SMARCA2: variants seen among roughly 807,000 people sequenced by gnomAD.
The protein encoded by SMARCA2 is SWI/SNF-related matrix-associated actin-dependent regulator of chromatin subfamily A member 2.
In SMARCA2, 61 loss-of-function variants were observed where a neutral mutation model predicts 199.8. That is an observed-to-expected ratio of 0.31 (90% CI 0.25 to 0.38). The LOEUF (loss-of-function observed/expected upper bound fraction) is 0.38, where lower values mean the gene tolerates loss of function less well. Among genes scored for constraint, SMARCA2 ranks in the 10% least tolerant of loss-of-function variants. The pLI is 1.00. For synonymous variants in SMARCA2, 935 were observed against 732.0 expected, an observed-to-expected ratio of 1.28 and a Z score of -4.48; for missense variants, 1,344 against 2,012.2, an observed-to-expected ratio of 0.67 and a Z score of 6.35.
intron 4 of SMARCA2, 129 bp downstream of exon 4, chr9:2,040,029 T>C: frequency 6.7e-7 from 1 of 1,484,230 alleles, no homozygotes; most frequent in African/African-American, 1.4e-5. Context: ...ACTGGCTCTC[T>C]ATCCTTGCTC....
At chr9:2,066,786 C>T (rs1172505873) in intron 9 of SMARCA2, among the ~76,000 whole-genome samples, 3 of 152,176 alleles carry the variant, frequency 2.0e-5, no homozygotes, top group Non-Finnish European at 4.4e-5. Context: ...GAAAATTTCT[C>T]AGGTGGCAGG....
At chr9:2,070,193 C>G (rs192094322) in intron 9 of SMARCA2, among the ~76,000 whole-genome samples, 7 of 152,182 alleles carry the variant, frequency 4.6e-5, no homozygotes, top group African/African-American at 1.7e-4. Flanking sequence ...CTCTAGTGTG[C>G]TGGCCTCAGA....
At chr9:2,159,138 A>G (rs1586768964) in intron 27 of SMARCA2, among the ~76,000 whole-genome samples, 1 of 152,342 alleles carries the variant, frequency 6.6e-6, no homozygotes, top group African/African-American at 2.4e-5. Context: ...TAAAAGTCCA[A>G]ATATCACAAG....
intron 13 of SMARCA2, 132 bp downstream of exon 13, chr9:2,076,461 A>G (rs1469553494): frequency 3.2e-6 from 2 of 626,924 alleles, no homozygotes; most frequent in Non-Finnish European, 5.7e-6. Flanking sequence ...GTGCTCCTAG[A>G]GGTCACCACT....
rs1826133989 is a variant in SMARCA2, at chr9:2,169,654, G to A, written c.4200-765G>A. Reference sequence around the variant, plus strand: ...GCACAGGCTGTGAATCCCAAAGGGTGCTGTCTACACCTGGAGGGAGATCTA... The same window carrying A: ...GCACAGGCTGTGAATCCCAAAGGGTACTGTCTACACCTGGAGGGAGATCTA... On this transcript the variant is annotated intron_variant, in intron 28 of 33. Transcript: ENST00000349721. This position sits in a 1 kb window ranked among gnomAD's most constrained non-coding sequence, Gnocchi z 6.5. Among the ~76,000 whole-genome samples the A allele has an allele frequency of 6.6e-6, 1 of 152,256 alleles. No individual in the cohort carries two copies. The highest frequency in any genetic ancestry group is 1.5e-5 in the Non-Finnish European group (1 of 68,006).
chr9:2,058,503 C>T (rs1191527597), intron 8 of SMARCA2, 39 bp downstream of exon 8: 1 of 1,559,092 alleles, frequency 6.4e-7, no homozygotes, highest in Non-Finnish European at 8.8e-7. Flanking sequence ...AACTACTCAA[C>T]CCACGTCCGT....
chr9:2,076,290 G>C lies in SMARCA2; in HGVS notation c.1997G>C (p.Ser666Thr). The C allele has an allele frequency of 6.2e-7, 1 of 1,612,466 alleles. No homozygotes were observed. Among genetic ancestry groups the C allele is most frequent in the Non-Finnish European group, 8.5e-7 (1 of 1,178,506 alleles). ...GAGAAAATACTCCTGGATCCAAATA[G>C]CGAAGAAGTTTCTGAGAAGGATGCT... ...TEEKILLDPN[S>T]EEVSEKDAKQ... is the part of the protein sequence containing the mutation. The change falls in exon 13 of 34, where the codon AGC becomes ACC. Residue 666 changes from serine (S) to threonine (T), a missense_variant. By Grantham distance (58) the Ser-to-Thr change is moderately conservative. This residue lies in a region of SMARCA2 where 106 missense variants were observed against 179.7 expected (regional missense o/e 0.59). Transcript: ENST00000349721.
intron 27 of SMARCA2, among the ~76,000 whole-genome samples, chr9:2,142,044 C>T (rs1324888323): frequency 1.3e-5 from 2 of 152,136 alleles, no homozygotes; most frequent in Non-Finnish European, 2.9e-5. Flanking sequence ...GGACTTCCTT[C>T]TGCCAAGCAG....
At chr9:2,034,653 G>A (rs1819240826) in intron 3 of SMARCA2, among the ~76,000 whole-genome samples, 1 of 152,160 alleles carries the variant, frequency 6.6e-6, no homozygotes, top group South Asian at 2.1e-4. Flanking sequence ...CCATCCACTC[G>A]AGGGAAGACT....
rs114196078 is a variant in SMARCA2 at position 2,159,303 on chromosome 9, A to T, written c.3982-2383A>T. The T allele has an allele frequency of 2.3e-3, 736 of 325,004 alleles. 8 individuals are homozygous for T. Among genetic ancestry groups the T allele is most frequent in the African/African-American group, 0.015 (691 of 47,004 alleles). 20.1% of individuals were successfully genotyped at this position (325,004 alleles called of 1,614,324 possible). A position where few individuals can be genotyped will look rare whatever the true frequency, so the allele number is the denominator to read the frequency against. On this transcript the variant is annotated intron_variant, in intron 27 of 33. Transcript: ENST00000349721. ...AAGTGAAGTGTTACAGTTGTTCTGA[A>T]TTTTCTTTAAAGAGCAGAATAACAT...
At chr9:2,172,066 G>A (rs148083826) in intron 29 of SMARCA2, among the ~76,000 whole-genome samples, 1 of 152,160 alleles carries the variant, frequency 6.6e-6, no homozygotes, top group Admixed American at 6.5e-5. Context: ...GCTCTCTGGA[G>A]TCTGTCTTGT....
intron 32 of SMARCA2, 57 bp from the exon 33 acceptor site, chr9:2,191,209 T>C (rs1827855962): frequency 6.4e-7 from 1 of 1,556,120 alleles, no homozygotes; most frequent in African/African-American, 1.4e-5. Context: ...TTACCACCTA[T>C]ACAAAGATCT....
intron 24 of SMARCA2, among the ~76,000 whole-genome samples, chr9:2,112,640 A>G (rs1281884187): frequency 6.6e-6 from 1 of 152,216 alleles, no homozygotes; most frequent in Admixed American, 6.5e-5. Context: ...GGAATTTACA[A>G]CAGGTTCCTC....
intron 4 of SMARCA2, 198 bp downstream of exon 4, chr9:2,040,098 CT>C: frequency 2.7e-6 from 3 of 1,113,044 alleles, no homozygotes; most frequent in Non-Finnish European, 3.7e-6. Context: ...GGCAGTGTTT[CT>C]TAACCTTAAA....
chr9:2,109,296 C>T (rs1421151342), intron 23 of SMARCA2, among the ~76,000 whole-genome samples: 18 of 152,044 alleles, frequency 1.2e-4, no homozygotes, highest in Non-Finnish European at 1.5e-4. Context: ...AGCATCTAAG[C>T]TTTTCTGGTG....
At chr9:2,187,477 G>C (rs556542671) in intron 32 of SMARCA2, among the ~76,000 whole-genome samples, 64 of 152,198 alleles carry the variant, frequency 4.2e-4, no homozygotes, top group African/African-American at 1.5e-3. Context: ...TTCAAGACCA[G>C]CCTGGATAAC....
At chr9:2,177,841 C>T (rs561815751) in intron 29 of SMARCA2, among the ~76,000 whole-genome samples, 24 of 152,280 alleles carry the variant, frequency 1.6e-4, no homozygotes, top group East Asian at 5.8e-4. Flanking sequence ...CATGAGCCAC[C>T]GTGCCCGGCC....
chr9:2,107,105 ATTTAAC>A (rs1363797597), intron 23 of SMARCA2, among the ~76,000 whole-genome samples: 2 of 152,080 alleles, frequency 1.3e-5, no homozygotes, highest in Non-Finnish European at 2.9e-5. Context: ...ATTTTGTTAA[ATTTAAC>A]AAAAAAAATT....
At chr9:2,082,021 T>C in intron 15 of SMARCA2, 26 bp downstream of exon 15, 1 of 1,602,244 alleles carries the variant, frequency 6.2e-7, no homozygotes, top group Non-Finnish European at 8.5e-7. Context: ...TATTCCACAG[T>C]CATCGTTCTG....
Sources: allele counts gnomAD v4.1 joint callset (sites outside exome capture counted in the v4.1 genomes callset), GRCh38; gene constraint gnomAD v4.1.1; regional missense constraint gnomAD v4.1.1; non-coding constraint Gnocchi (gnomAD v3.1); transcripts MANE v1.5; gene names NCBI Gene and HGNC (gene_info 2026-07-23, HGNC 2026-07-21).